Variants in EXOC4 observed in about 807,000 individuals in gnomAD.
EXOC4 encodes the protein SEC8-like 1.
Under a neutral mutation model 107.2 loss-of-function variants are expected in EXOC4, and 71 were observed. That is an observed-to-expected ratio of 0.66 (90% CI 0.55 to 0.81). The LOEUF is 0.81. Ranked by LOEUF, EXOC4 falls within the 30% of genes least tolerant of loss-of-function variation. The pLI is 0.00. For synonymous variants in EXOC4, 456 were observed against 441.2 expected, an observed-to-expected ratio of 1.03 and a Z score of -0.42; for missense variants, 1,108 against 1,189.6, an observed-to-expected ratio of 0.93 and a Z score of 1.01.
chr7:133,551,457 G>T (rs543634322), intron 9 of EXOC4: 1 of 151,910 alleles, frequency 6.6e-6, no homozygotes, highest in South Asian at 2.1e-4. Context: ...GATTATTTTA[G>T]TTGTTTCAAA....
intron 9 of EXOC4, among the ~76,000 whole-genome samples, chr7:133,509,131 G>A (rs948349033): frequency 6.6e-6 from 1 of 152,028 alleles, no homozygotes; most frequent in Admixed American, 6.6e-5. Context: ...TGCAACCATT[G>A]AAATATAAGC....
intron 9 of EXOC4, among the ~76,000 whole-genome samples, chr7:133,484,398 G>A (rs1799227481): frequency 1.3e-5 from 2 of 152,102 alleles, no homozygotes; most frequent in Admixed American, 6.6e-5. Flanking sequence ...AGTCTCTGCC[G>A]CTTCATTGTA....
intron 2 of EXOC4, among the ~76,000 whole-genome samples, chr7:133,286,216 C>T (rs540838411): frequency 3.9e-4 from 60 of 152,062 alleles, no homozygotes; most frequent in African/African-American, 1.4e-3. Context: ...TTGGTGTTTT[C>T]CTGTTTGGAG....
chr7:133,506,141 C>T (rs1007798949), intron 9 of EXOC4, among the ~76,000 whole-genome samples: 14 of 152,072 alleles, frequency 9.2e-5, no homozygotes, highest in African/African-American at 3.4e-4. Flanking sequence ...AGTTGGATGA[C>T]AGGATATGTT....
At chr7:133,884,581 C>CTCTG (rs1554414584) in intron 11 of EXOC4, among the ~76,000 whole-genome samples, 1 of 143,632 alleles carries the variant, frequency 7.0e-6, no homozygotes, top group Non-Finnish European at 1.5e-5. Flanking sequence ...GCCCTATGCT[C>CTCTG]TGTGTGTGTG....
chr7:133,412,128 A>G (rs376944887), intron 7 of EXOC4, among the ~76,000 whole-genome samples: 2 of 152,042 alleles, frequency 1.3e-5, no homozygotes, highest in South Asian at 2.1e-4. Flanking sequence ...TGAGCTTGTT[A>G]TAAGGTGTGT....
intron 9 of EXOC4, among the ~76,000 whole-genome samples, chr7:133,490,214 G>C (rs1013533870): frequency 1.3e-5 from 2 of 152,092 alleles, no homozygotes; most frequent in Admixed American, 6.6e-5. Context: ...GCATCATCCC[G>C]GACTTCTGCA....
At chr7:133,825,634 G>T (rs1585179520) in intron 11 of EXOC4, among the ~76,000 whole-genome samples, 1 of 152,346 alleles carries the variant, frequency 6.6e-6, no homozygotes, top group South Asian at 2.1e-4. Flanking sequence ...GTGGCCAGCA[G>T]CAGTAGCGTA....
At chr7:134,021,621 T>C (rs1435081735) in intron 17 of EXOC4, among the ~76,000 whole-genome samples, 1 of 151,902 alleles carries the variant, frequency 6.6e-6, no homozygotes, top group Non-Finnish European at 1.5e-5. Flanking sequence ...TAGGCTTCAG[T>C]TGCCGTGTGA....
intron 7 of EXOC4, among the ~76,000 whole-genome samples, chr7:133,419,360 G>A (rs530077574): frequency 6.6e-6 from 1 of 152,140 alleles, no homozygotes; most frequent in Non-Finnish European, 1.5e-5. Flanking sequence ...TGCAGTGAAG[G>A]AAGACGTTTG....
chr7:133,925,987 C>T (rs1211343937), intron 13 of EXOC4, among the ~76,000 whole-genome samples: 9 of 145,602 alleles, frequency 6.2e-5, no homozygotes, highest in Non-Finnish European at 7.4e-5. Context: ...TGCAGTGAGC[C>T]GAGATTGCGC....
downstream of EXOC4, among the ~76,000 whole-genome samples, chr7:134,071,142 T>G (rs1796268458): frequency 6.6e-6 from 1 of 152,242 alleles, no homozygotes; most frequent in African/African-American, 2.4e-5. Flanking sequence ...ATTATTTCAT[T>G]TAATCCTCAC....
At chr7:133,720,760 T>TA (rs1223187865) in intron 10 of EXOC4, among the ~76,000 whole-genome samples, 1 of 152,154 alleles carries the variant, frequency 6.6e-6, no homozygotes, top group Non-Finnish European at 1.5e-5. Context: ...AAAGAGAAGA[T>TA]AGACTATTTG....
At chr7:133,751,761 G>A (rs934927419) in intron 10 of EXOC4, among the ~76,000 whole-genome samples, 2 of 151,954 alleles carry the variant, frequency 1.3e-5, no homozygotes, top group Non-Finnish European at 2.9e-5. Context: ...TGATTCAAGA[G>A]CCCTTGAAAC....
intron 7 of EXOC4, among the ~76,000 whole-genome samples, chr7:133,384,757 A>C (rs1584873209): frequency 8.0e-6 from 1 of 125,032 alleles, no homozygotes; most frequent in African/African-American, 3.0e-5. Context: ...ACGTTTTCTG[A>C]TTGTGGAAGC....
chr7:134,040,527 T>C (rs1270081514), intron 17 of EXOC4, among the ~76,000 whole-genome samples: 1 of 152,182 alleles, frequency 6.6e-6, no homozygotes, highest in Non-Finnish European at 1.5e-5. Flanking sequence ...TCCGAAGTCA[T>C]TGCCATGTTA....
rs905946883 is a variant in EXOC4, at chr7:133,485,658, C to T, written c.1417+5520C>T. 2.0e-5 allele frequency among the ~76,000 whole-genome samples: 3 copies of T among 152,142 alleles called. No homozygotes were observed. The East Asian group carries it at 5.8e-4, about 29-fold the overall frequency. ...TGTTAACTTCCTTCACTTCCCTTGA[C>T]CCAGAGTGCAAGCCTTATTCACGGG... On this transcript the variant is annotated intron_variant, in intron 9 of 17. Coordinates refer to ENST00000253861, the MANE Select transcript of EXOC4 (RefSeq NM_021807.4).
intron 14 of EXOC4, among the ~76,000 whole-genome samples, chr7:133,995,722 T>G (rs991315316): frequency 3.3e-5 from 5 of 152,158 alleles, no homozygotes; most frequent in African/African-American, 1.2e-4. Context: ...TTTTTTTATG[T>G]TTGCCATGTT....
At chr7:134,076,760 T>G in the EXOC4 span, among the ~76,000 whole-genome samples, 2 of 151,774 alleles carry the variant, frequency 1.3e-5, no homozygotes, top group Non-Finnish European at 2.9e-5. Context: ...ATTCTTCACT[T>G]TTTTGTGCTA....
Sources: gnomAD v4.1 joint callset for allele counts (sites outside exome capture counted in the v4.1 genomes callset) on GRCh38, gnomAD v4.1.1 for gene constraint, MANE v1.5 for transcripts, NCBI Gene and HGNC (gene_info 2026-07-23, HGNC 2026-07-21) for gene names.